The following TENM2 variants were observed in gnomAD, a reference collection of about 807,000 sequenced individuals.
TENM2 encodes teneurin-2.
Under a neutral mutation model 245.2 loss-of-function variants are expected in TENM2, and 52 were observed. The ratio of observed to expected loss-of-function variants is 0.21; its 90% confidence interval spans 0.17 to 0.27. The LOEUF is 0.27. Ranked by LOEUF, TENM2 falls within the 10% of genes least tolerant of loss-of-function variation. The pLI, the probability that TENM2 is intolerant of heterozygous loss-of-function variation, is 1.00. For missense variants in TENM2, 3,046 were observed against 3,666.8 expected, an observed-to-expected ratio of 0.83 and a Z score of 4.37; for synonymous variants, 1,363 against 1,438.9, an observed-to-expected ratio of 0.95 and a Z score of 1.19.
chr5:168,065,205 C>T (rs1790392076), intron 7 of TENM2, among the ~76,000 whole-genome samples: 1 of 152,118 alleles, frequency 6.6e-6, no homozygotes, highest in African/African-American at 2.4e-5. Flanking sequence ...GAGTACCATG[C>T]TCTGACCAAG....
intron 4 of TENM2, among the ~76,000 whole-genome samples, chr5:167,967,912 G>A (rs998511705): frequency 2.0e-5 from 3 of 152,208 alleles, no homozygotes; most frequent in African/African-American, 7.2e-5. Flanking sequence ...GAAACTTGAT[G>A]AAGCGCAAGT....
intron 2 of TENM2, among the ~76,000 whole-genome samples, chr5:167,413,206 A>T (rs991741911): frequency 6.6e-6 from 1 of 152,130 alleles, no homozygotes; most frequent in Non-Finnish European, 1.5e-5. Context: ...AAATTGTTCT[A>T]TGTGAGCATC....
At chr5:167,003,951 G>A in the TENM2 span, among the ~76,000 whole-genome samples, 1 of 152,022 alleles carries the variant, frequency 6.6e-6, no homozygotes, top group African/African-American at 2.4e-5. Context: ...CTGGTTTGTG[G>A]GTTATCTGTA....
At chr5:167,701,390 G>A (rs901920080) in intron 2 of TENM2, among the ~76,000 whole-genome samples, 5 of 145,014 alleles carry the variant, frequency 3.4e-5, no homozygotes, top group African/African-American at 9.9e-5. Context: ...TTGGGTTTTG[G>A]GTGTTTGTTT....
intron 2 of TENM2, among the ~76,000 whole-genome samples, chr5:167,707,691 A>G (rs1030353807): frequency 6.6e-6 from 1 of 152,216 alleles, no homozygotes; most frequent in Non-Finnish European, 1.5e-5. Flanking sequence ...CCACTGCCTG[A>G]ATGCCGTCTA....
chr5:167,674,877 T>C (rs1756211652), intron 2 of TENM2, among the ~76,000 whole-genome samples: 1 of 152,150 alleles, frequency 6.6e-6, no homozygotes, highest in Admixed American at 6.6e-5. Context: ...AAATGTCTTC[T>C]AGCAAATCAC....
chr5:167,177,096 G>A, the TENM2 span, among the ~76,000 whole-genome samples: 4 of 152,178 alleles, frequency 2.6e-5, no homozygotes, highest in African/African-American at 7.2e-5. Flanking sequence ...AGAGCCAGGT[G>A]TAGTTCAGTC....
At chr5:167,570,846 G>T (rs1279620599) in intron 2 of TENM2, among the ~76,000 whole-genome samples, 1 of 152,206 alleles carries the variant, frequency 6.6e-6, no homozygotes, top group African/African-American at 2.4e-5. Flanking sequence ...GAATGATTGT[G>T]GTGGGGGAAG....
At chr5:167,467,417 T>A (rs902810828) in intron 2 of TENM2, among the ~76,000 whole-genome samples, 3 of 151,932 alleles carry the variant, frequency 2.0e-5, no homozygotes, top group African/African-American at 7.3e-5. Flanking sequence ...GGTAGTATCT[T>A]TACAGCAGCG....
intron 2 of TENM2, among the ~76,000 whole-genome samples, chr5:167,470,830 G>GGA (rs1766979577): frequency 6.6e-6 from 1 of 152,046 alleles, no homozygotes; most frequent in Non-Finnish European, 1.5e-5. Context: ...TCCAGAAACT[G>GGA]TTCATTCTTT....
intron 2 of TENM2, among the ~76,000 whole-genome samples, chr5:167,511,172 C>T (rs1356652438): frequency 1.3e-5 from 2 of 152,148 alleles, no homozygotes; most frequent in Non-Finnish European, 2.9e-5. Context: ...TAACTCATCA[C>T]AATCTAGTAG....
intron 4 of TENM2, among the ~76,000 whole-genome samples, chr5:167,974,443 G>A (rs1488492937): frequency 2.0e-5 from 3 of 149,328 alleles, no homozygotes; most frequent in African/African-American, 4.9e-5. Context: ...GAGGAAGGAG[G>A]GAAGAAAGAA....
At chr5:167,557,139 T>A (rs912383203) in intron 2 of TENM2, among the ~76,000 whole-genome samples, 3 of 152,222 alleles carry the variant, frequency 2.0e-5, no homozygotes, top group Non-Finnish European at 4.4e-5. Context: ...CATGTGAAAA[T>A]TTAATTATGG....
intron 25 of TENM2, among the ~76,000 whole-genome samples, chr5:168,239,872 G>C (rs1053327718): frequency 3.3e-5 from 5 of 152,088 alleles, no homozygotes; most frequent in African/African-American, 1.2e-4. Context: ...ATCACACTGA[G>C]TGTATTTTAA....
chr5:168,175,212 A>C (rs1759246047), intron 13 of TENM2, among the ~76,000 whole-genome samples: 1 of 152,240 alleles, frequency 6.6e-6, no homozygotes, highest in African/African-American at 2.4e-5. Context: ...ATAGACAGCA[A>C]CTTAATGCCC....
intron 5 of TENM2, among the ~76,000 whole-genome samples, chr5:168,046,926 GCAGGTACCAGCAAA>G (rs113769872): frequency 1.6e-4 from 24 of 152,302 alleles, no homozygotes; most frequent in Admixed American, 6.5e-4. Flanking sequence ...ATAGTTCAGA[GCAGGTACCAGCAAA>G]CAGGTACCAG....
At chr5:167,640,963 C>T (rs770598260) in intron 2 of TENM2, among the ~76,000 whole-genome samples, 8 of 138,462 alleles carry the variant, frequency 5.8e-5, no homozygotes, top group Non-Finnish European at 9.3e-5. Context: ...CATATCACCA[C>T]CACCTGAAAA....
At chr5:168,006,319 T>C (rs1784813432) in intron 5 of TENM2, among the ~76,000 whole-genome samples, 1 of 152,174 alleles carries the variant, frequency 6.6e-6, no homozygotes, top group Non-Finnish European at 1.5e-5. Context: ...CTGAACCACA[T>C]GACTCTGGAA....
the TENM2 span, among the ~76,000 whole-genome samples, chr5:167,271,318 A>G: frequency 6.6e-6 from 1 of 152,050 alleles, no homozygotes; most frequent in Non-Finnish European, 1.5e-5. Context: ...AGGAGAGCTG[A>G]TGGGTCTGCA....
Sources: gnomAD v4.1 joint callset for allele counts (sites outside exome capture counted in the v4.1 genomes callset) on GRCh38, gnomAD v4.1.1 for gene constraint, MANE v1.5 for transcripts, NCBI Gene and HGNC (gene_info 2026-07-23, HGNC 2026-07-21) for gene names.